The following SYNDIG1 variants were observed in gnomAD, a reference collection of about 807,000 sequenced individuals.
SYNDIG1 encodes the protein synapse differentiation inducing 1, also known as synapse differentiation-inducing gene protein 1.
Under a neutral mutation model 19.4 loss-of-function variants are expected in SYNDIG1, and 9 were observed. That is an observed-to-expected ratio of 0.46 (90% CI 0.28 to 0.81). The LOEUF (loss-of-function observed/expected upper bound fraction) is 0.81. SYNDIG1 is among the 30% of genes least tolerant of loss of function. SYNDIG1 has a pLI of 0.12. For missense variants in SYNDIG1, 311 were observed against 343.3 expected (o/e 0.91, Z 0.74); for synonymous variants, 141 against 145.9 (o/e 0.97, Z 0.24).
At chr20:24,479,427 C>G (rs1474858163) in intron 1 of SYNDIG1, among the ~76,000 whole-genome samples, 6 of 152,194 alleles carry the variant, frequency 3.9e-5, no homozygotes, top group African/African-American at 1.4e-4. Context: ...GTCCCTACCC[C>G]TTACCCAAGG....
intron 3 of SYNDIG1, among the ~76,000 whole-genome samples, chr20:24,628,795 A>G (rs528071070): frequency 6.6e-6 from 1 of 152,090 alleles, no homozygotes; most frequent in African/African-American, 2.4e-5. Context: ...TGTCACCATT[A>G]TCCGGAGTTG....
chr20:24,488,871 C>T (rs982502652), intron 1 of SYNDIG1, among the ~76,000 whole-genome samples: 8 of 152,140 alleles, frequency 5.3e-5, no homozygotes, highest in South Asian at 4.1e-4. Flanking sequence ...CCCGGGCGCT[C>T]GGAGGAAAGG....
At chr20:24,565,120 C>G (rs1242394264) in intron 2 of SYNDIG1, among the ~76,000 whole-genome samples, 1 of 152,126 alleles carries the variant, frequency 6.6e-6, no homozygotes, top group Non-Finnish European at 1.5e-5. Flanking sequence ...CCCATGTAGG[C>G]AAAAAGTAAG....
intron 1 of SYNDIG1, among the ~76,000 whole-genome samples, chr20:24,471,255 G>A (rs2055443997): frequency 6.6e-6 from 1 of 152,058 alleles, no homozygotes; most frequent in Admixed American, 6.5e-5. Flanking sequence ...TCTAGGTCGC[G>A]AAATCCTGGC....
At chr20:24,481,859 T>A (rs2055806643) in intron 1 of SYNDIG1, among the ~76,000 whole-genome samples, 1 of 152,158 alleles carries the variant, frequency 6.6e-6, no homozygotes, top group Non-Finnish European at 1.5e-5. Context: ...ATAAAAAGCA[T>A]TGATAAATAA....
At chr20:24,580,932 C>T (rs776949593) in intron 2 of SYNDIG1, among the ~76,000 whole-genome samples, 43 of 152,130 alleles carry the variant, frequency 2.8e-4, no homozygotes, top group Non-Finnish European at 1.5e-4. Context: ...CTACGTGGTC[C>T]GGGTCAACGG....
intron 1 of SYNDIG1, among the ~76,000 whole-genome samples, chr20:24,540,098 G>A (rs2057439837): frequency 6.6e-6 from 1 of 152,132 alleles, no homozygotes; most frequent in African/African-American, 2.4e-5. Context: ...ATGTTTTGAT[G>A]ACTTCTTTGT....
rs563640620 is a variant in SYNDIG1 at position 24,628,196 on chromosome 20, C to G, written c.619-37150C>G. ...GGAAGAAAAGAAAAGAATTAGCAAC[C>G]GCTGCCAGGAAGCAGGTCGAAAGCT... On this transcript the variant is annotated intron_variant, in intron 3 of 3. Transcript: ENST00000376862. Among the ~76,000 whole-genome samples, 3 of 152,240 alleles carry G rather than the reference C, an allele frequency of 2.0e-5. No individual in the cohort carries two copies. The South Asian group carries it at 6.2e-4, about 32-fold the overall frequency.
At chr20:24,574,345 C>T (rs996875120) in intron 2 of SYNDIG1, among the ~76,000 whole-genome samples, 16 of 151,028 alleles carry the variant, frequency 1.1e-4, no homozygotes, top group African/African-American at 3.4e-4. Flanking sequence ...AAAAATTAGC[C>T]AGGCATGGCG....
At chr20:24,541,068 A>T (rs761480441) in intron 1 of SYNDIG1, among the ~76,000 whole-genome samples, 17 of 152,236 alleles carry the variant, frequency 1.1e-4, no homozygotes, top group Non-Finnish European at 2.2e-4. Flanking sequence ...TGACTAAGAC[A>T]GAAAAAATCA....
chr20:24,500,293 A>G (rs2056407447), intron 1 of SYNDIG1, among the ~76,000 whole-genome samples: 1 of 152,202 alleles, frequency 6.6e-6, no homozygotes, highest in South Asian at 2.1e-4. Context: ...AATCGTTGAT[A>G]GAAAATGGCA....
chr20:24,553,580 T>G (rs2057751366), intron 2 of SYNDIG1, among the ~76,000 whole-genome samples: 1 of 152,226 alleles, frequency 6.6e-6, no homozygotes, highest in Admixed American at 6.5e-5. Flanking sequence ...CCTTCCCCAT[T>G]GCTTGTTTTT....
At chr20:24,654,748 GA>G (rs1255683632) in intron 3 of SYNDIG1, among the ~76,000 whole-genome samples, 2 of 152,056 alleles carry the variant, frequency 1.3e-5, no homozygotes, top group Non-Finnish European at 2.9e-5. Context: ...CAACATTTTA[GA>G]ACACCCAGGT....
chr20:24,522,786 G>A (rs1420826392), intron 1 of SYNDIG1, among the ~76,000 whole-genome samples: 1 of 152,210 alleles, frequency 6.6e-6, no homozygotes, highest in South Asian at 2.1e-4. Context: ...TTCTGGGGAA[G>A]CTTCAGGAAG....
In SYNDIG1 at chr20:24,658,773, C is replaced by T. The variant is rs903469274; in HGVS notation, c.619-6573C>T. Among the ~76,000 whole-genome samples, 7 of 152,146 alleles carry T rather than the reference C, an allele frequency of 4.6e-5. No homozygotes were observed. The highest frequency in any genetic ancestry group is 8.8e-5 in the Non-Finnish European group (6 of 68,038). On this transcript the variant is annotated intron_variant, in intron 3 of 3. Coordinates refer to ENST00000376862, the MANE Select transcript of SYNDIG1 (RefSeq NM_024893.3). This position sits in a 1 kb window ranked among gnomAD's most constrained non-coding sequence, Gnocchi z 4.4. ...CGTTCACCACAGGCTCTTCTCCCAG[C>T]GGGGTCGTCTGCCTCGTTTTCTCCC...
At chr20:24,645,829 A>G (rs991895085) in intron 3 of SYNDIG1, among the ~76,000 whole-genome samples, 1 of 152,246 alleles carries the variant, frequency 6.6e-6, no homozygotes, top group African/African-American at 2.4e-5. Context: ...AGTCCTAGGA[A>G]CCAAAATATT....
rs555444960 is a variant in SYNDIG1, at chr20:24,576,497, G to A, written c.481-8359G>A. 2.6e-5 allele frequency among the ~76,000 whole-genome samples: 4 copies of A among 152,302 alleles called. No homozygotes were observed. In the South Asian group the frequency reaches 6.2e-4, roughly 24 times the overall value. On this transcript the variant is annotated intron_variant, in intron 2 of 3. Coordinates refer to ENST00000376862, the MANE Select transcript of SYNDIG1 (RefSeq NM_024893.3). The stretch of plus-strand genomic sequence containing the variant: ...TGGAAGACAGTTGATCGGGGGGCAC[G>A]TGCCCCTGGCATCACATACCTGGAA...
intron 1 of SYNDIG1, among the ~76,000 whole-genome samples, chr20:24,512,693 T>C (rs1475308961): frequency 6.6e-6 from 1 of 152,104 alleles, no homozygotes; most frequent in African/African-American, 2.4e-5. Flanking sequence ...AGACTCCACC[T>C]CCGGGGGCAG....
chr20:24,595,006 C>A (rs1166645978), intron 3 of SYNDIG1, among the ~76,000 whole-genome samples: 1 of 152,104 alleles, frequency 6.6e-6, no homozygotes, highest in Non-Finnish European at 1.5e-5. Flanking sequence ...CCTTTTATTT[C>A]TTTCTCTTGA....
Sources: allele counts gnomAD v4.1 joint callset (sites outside exome capture counted in the v4.1 genomes callset), GRCh38; gene constraint gnomAD v4.1.1; non-coding constraint Gnocchi (gnomAD v3.1); transcripts MANE v1.5; gene names NCBI Gene and HGNC (gene_info 2026-07-23, HGNC 2026-07-21).